WIPF3: variants seen among roughly 807,000 people sequenced by gnomAD.
The protein encoded by WIPF3 is WAS/WASL interacting protein family member 3, also known as WAS/WASL-interacting protein family member 3.
A neutral mutation model predicts 38.9 loss-of-function variants in WIPF3; 33 were observed. The observed-to-expected ratio is 0.85, with a 90% CI of 0.64 to 1.14. The LOEUF (loss-of-function observed/expected upper bound fraction) is 1.14, where lower values mean the gene tolerates loss of function less well. Ranked by LOEUF, WIPF3 falls within the 50% of genes most tolerant of loss-of-function variation. The probability of loss-of-function intolerance (pLI) is 0.00; values close to 1 mark genes in which losing one functional copy is unlikely to be tolerated. For missense variants in WIPF3, 711 were observed against 652.5 expected, an observed-to-expected ratio of 1.09 and a Z score of -0.98; for synonymous variants, 324 against 269.3, an observed-to-expected ratio of 1.20 and a Z score of -1.99.
At chr7:29,883,707 G>C (rs1388286548) in intron 4 of WIPF3, 143 bp from the exon 5 acceptor site, 1 of 1,198,060 alleles carries the variant, frequency 8.3e-7, no homozygotes, top group East Asian at 3.0e-5. Context: ...TGGCACCTGA[G>C]GCCTCTCAGT....
chr7:29,858,864 C>A (rs1033014479), intron 2 of WIPF3, among the ~76,000 whole-genome samples: 6 of 152,094 alleles, frequency 3.9e-5, no homozygotes, highest in Non-Finnish European at 7.4e-5. Context: ...ATTCTCATGA[C>A]AAAAATACTT....
In WIPF3 at chr7:29,821,644, A is replaced by G. The variant is rs116487433; in HGVS notation, c.-57-13024A>G. 5.8e-3 allele frequency among the ~76,000 whole-genome samples: 880 copies of G among 152,222 alleles called. 9 individuals are homozygous for G. The highest frequency in any genetic ancestry group is 0.02 in the African/African-American group (840 of 41,522). On this transcript the variant is annotated intron_variant, in intron 1 of 8. Coordinates refer to ENST00000242140, the MANE Select transcript of WIPF3 (RefSeq NM_001080529.3). ...TCCTTTTGAAAAGCTTTCTTAAATT[A>G]TATGCTTGATATTATGTGTTTGAAT...
chr7:29,888,070 G>A lies in WIPF3; in HGVS notation c.1102G>A (p.Ala368Thr). The A allele has an allele frequency of 6.2e-7, 1 of 1,613,956 alleles. No individual in the cohort carries two copies. The highest frequency in any genetic ancestry group is 8.5e-7 in the Non-Finnish European group (1 of 1,179,878). ...LQKKRHGRPG[A>T]GGGKLNPPPA... The stretch of plus-strand genomic sequence containing the variant: ...TACACCATCATCTTCTCTGTAAGGG[G>A]CCGGTGGGGGAAAGCTAAATCCACC... Residue 368 changes from alanine (A) to threonine (T), a missense_variant and splice_region_variant, in exon 6 of 9, where the codon GCC becomes ACC. Coordinates refer to ENST00000242140, the MANE Select transcript of WIPF3 (RefSeq NM_001080529.3).
chr7:29,879,748 C>T (rs2128074420), intron 4 of WIPF3, among the ~76,000 whole-genome samples: 1 of 152,314 alleles, frequency 6.6e-6, no homozygotes, highest in African/African-American at 2.4e-5. Context: ...AACCACTGGC[C>T]TGACTCACCT....
At chr7:29,875,731 G>C (rs773199721) in intron 2 of WIPF3, 99 bp from the exon 3 acceptor site, 250 of 1,507,118 alleles carry the variant, frequency 1.7e-4, no homozygotes, top group Non-Finnish European at 2.1e-4. Flanking sequence ...AGTGGGACGG[G>C]GAAGACAGAG....
At chr7:29,828,555 G>A (rs769334026) in intron 1 of WIPF3, among the ~76,000 whole-genome samples, 6 of 152,156 alleles carry the variant, frequency 3.9e-5, no homozygotes, top group Non-Finnish European at 7.3e-5. Context: ...TGAACTTCGC[G>A]CAAAAATCTA....
At chr7:29,828,171 G>A (rs1784653903) in intron 1 of WIPF3, among the ~76,000 whole-genome samples, 1 of 152,164 alleles carries the variant, frequency 6.6e-6, no homozygotes, top group Admixed American at 6.5e-5. Flanking sequence ...CTTTCTGTGT[G>A]TGAACAGCTG....
chr7:29,875,785 A>G, intron 2 of WIPF3, 45 bp from the exon 3 acceptor site: 1 of 1,594,368 alleles, frequency 6.3e-7, no homozygotes, highest in Non-Finnish European at 8.6e-7. Context: ...CATTTTGCTT[A>G]TCTGAAAATG....
intron 6 of WIPF3, among the ~76,000 whole-genome samples, chr7:29,888,544 A>T (rs1272954788): frequency 6.7e-6 from 1 of 148,308 alleles, no homozygotes; most frequent in Non-Finnish European, 1.5e-5. Context: ...TCTATGGAGA[A>T]ATCAATGCAT....
chr7:29,810,570 C>A (rs1258873357), intron 1 of WIPF3, among the ~76,000 whole-genome samples: 1 of 152,238 alleles, frequency 6.6e-6, no homozygotes, highest in Non-Finnish European at 1.5e-5. Context: ...GTTGTTTTAA[C>A]TTTCACTGTC....
At chr7:29,909,478 C>A (rs1316739375) in intron 8 of WIPF3, among the ~76,000 whole-genome samples, 1 of 152,058 alleles carries the variant, frequency 6.6e-6, no homozygotes, top group Non-Finnish European at 1.5e-5. Context: ...TACTACTAAT[C>A]CAACTGAAAT....
intron 3 of WIPF3, 115 bp downstream of exon 3, chr7:29,876,077 C>T (rs1785590943): frequency 7.2e-7 from 1 of 1,385,720 alleles, no homozygotes; most frequent in Non-Finnish European, 9.8e-7. Flanking sequence ...CATATGGAGC[C>T]ATCTCAGACC....
Position 29,916,910 on chromosome 7 carries a change from C to T in WIPF3, c.*2394C>T, listed in dbSNP as rs1268542315. On this transcript the variant is annotated 3_prime_UTR_variant, in exon 9 of 9. Transcript: ENST00000242140. ...TTGACTGTAAACTCAGACTTAGAGA[C>T]ATCTGAGTCACACAGTCCCCGCCAT... 6.6e-6 allele frequency: 1 copy of T among 152,178 alleles called. No homozygotes were observed. The highest frequency in any genetic ancestry group is 1.9e-4 in the East Asian group (1 of 5,200). 9.4% of individuals were successfully genotyped at this position (152,178 alleles called of 1,614,324 possible).
intron 2 of WIPF3, among the ~76,000 whole-genome samples, chr7:29,837,762 A>T (rs1392550332): frequency 1.3e-5 from 2 of 152,246 alleles, no homozygotes; most frequent in Non-Finnish European, 2.9e-5. Flanking sequence ...TACTATGGAA[A>T]TGATGAATAC....
intron 1 of WIPF3, among the ~76,000 whole-genome samples, chr7:29,824,168 C>T (rs1163649977): frequency 6.6e-6 from 1 of 152,130 alleles, no homozygotes; most frequent in African/African-American, 2.4e-5. Flanking sequence ...TAGGTCCGGG[C>T]ATGGTGGCCC....
At chr7:29,907,128 ATAT>A (rs1786413006) in intron 8 of WIPF3, among the ~76,000 whole-genome samples, 1 of 152,230 alleles carries the variant, frequency 6.6e-6, no homozygotes, top group South Asian at 2.1e-4. Flanking sequence ...ATAAAATCTA[ATAT>A]TATTGTAACA....
chr7:29,815,581 A>C (rs1160563502), intron 1 of WIPF3, among the ~76,000 whole-genome samples: 3 of 152,186 alleles, frequency 2.0e-5, no homozygotes, highest in Non-Finnish European at 2.9e-5. Flanking sequence ...CTAGGGAGGC[A>C]GTATTTTGTG....
chr7:29,845,155 T>C (rs1011865283), intron 2 of WIPF3, among the ~76,000 whole-genome samples: 26 of 150,958 alleles, frequency 1.7e-4, no homozygotes, highest in African/African-American at 6.3e-4. Context: ...ATAAAACTCA[T>C]GGTTTAGAGA....
At chr7:29,846,945 G>A (rs902911960) in intron 2 of WIPF3, among the ~76,000 whole-genome samples, 1 of 152,202 alleles carries the variant, frequency 6.6e-6, no homozygotes, top group African/African-American at 2.4e-5. Flanking sequence ...ATAACTCTAA[G>A]CCTCAGTTTC....
Sources: gnomAD v4.1 joint callset for allele counts (sites outside exome capture counted in the v4.1 genomes callset) on GRCh38, gnomAD v4.1.1 for gene constraint, MANE v1.5 for transcripts, NCBI Gene and HGNC (gene_info 2026-07-23, HGNC 2026-07-21) for gene names.